PCSK1: variants seen among roughly 807,000 people sequenced by gnomAD.
The protein encoded by PCSK1 is proprotein convertase subtilisin/kexin type 1.
Under a neutral mutation model 90.6 loss-of-function variants are expected in PCSK1, and 56 were observed. The ratio of observed to expected loss-of-function variants is 0.62; its 90% CI spans 0.50 to 0.77. PCSK1 has a LOEUF of 0.77. Among genes scored for constraint, PCSK1 ranks in the 30% least tolerant of loss-of-function variants. The probability of loss-of-function intolerance (pLI) is 0.00; values close to 1 mark genes in which losing one functional copy is unlikely to be tolerated. For synonymous variants in PCSK1, 348 were observed against 342.4 expected (o/e 1.02, Z -0.18); for missense variants, 801 against 932.6 (o/e 0.86, Z 1.84).
chr5:96,432,773 G>T, intron 1 of PCSK1, 90 bp downstream of exon 1: 1 of 1,055,832 alleles, frequency 9.5e-7, no homozygotes. Flanking sequence ...TCTGGAGAGT[G>T]CAACCTGGGG....
In PCSK1 at chr5:96,408,375, G is replaced by C. The variant is rs768475079; in HGVS notation, c.1096-52C>G. 2.5e-5 allele frequency: 33 copies of C among 1,331,924 alleles called. No homozygotes were observed. The Middle Eastern group carries it at 7.3e-4, about 29-fold the overall frequency. 82.5% of individuals were successfully genotyped at this position (1,331,924 alleles called of 1,614,324 possible). On this transcript the variant is annotated intron_variant, in intron 8 of 13. Coordinates refer to ENST00000311106, the MANE Select transcript of PCSK1 (RefSeq NM_000439.5). ...GGCAGGGAGAACACGTGAGGAGTGT[G>C]GGCCTGTCTTGGGGGTTAACTGTAC...
chr5:96,423,690 A>T (rs774380945), intron 3 of PCSK1, among the ~76,000 whole-genome samples: 5 of 152,212 alleles, frequency 3.3e-5, no homozygotes, highest in Non-Finnish European at 7.3e-5. Context: ...TGAAAAGATG[A>T]ATCACCTGTG....
At position 96,405,311 on chromosome 5, in the gene PCSK1, C is replaced by A. The variant is rs1458349367; in HGVS notation, c.1196+2912G>T. The stretch of plus-strand genomic sequence containing the variant: ...ACGAACACTGAGAATCTGGTGAAAC[C>A]TATAAGCCATTCCCCAGAAATATGC... On this transcript the variant is annotated intron_variant, in intron 9 of 13. Transcript: ENST00000311106. 2.0e-5 allele frequency among the ~76,000 whole-genome samples: 3 copies of A among 152,070 alleles called. No individual in the cohort carries two copies. In the East Asian group the frequency reaches 5.8e-4, roughly 29 times the overall value.
chr5:96,422,668 G>C (rs1761165388), intron 4 of PCSK1, among the ~76,000 whole-genome samples: 1 of 152,098 alleles, frequency 6.6e-6, no homozygotes, highest in Non-Finnish European at 1.5e-5. Flanking sequence ...GGGAATGTTT[G>C]ATAGGTGGAA....
chr5:96,412,750 A>ATTTTTTTTTTTTTTTTTTTTTT (rs1451878228), intron 6 of PCSK1, among the ~76,000 whole-genome samples: 2 of 63,386 alleles, frequency 3.2e-5, no homozygotes, highest in African/African-American at 1.6e-4. Context: ...GGCAGCTGTG[A>ATTTTTTTTTTTTTTTTTTTTTT]TGTTTTTTTT....
At chr5:96,398,426 C>G (rs1760239452) in intron 11 of PCSK1, among the ~76,000 whole-genome samples, 1 of 152,182 alleles carries the variant, frequency 6.6e-6, no homozygotes. Flanking sequence ...ATAAAATGGC[C>G]TTATTCATGT....
chr5:96,406,115 T>C (rs992799268), intron 9 of PCSK1, among the ~76,000 whole-genome samples: 1 of 152,132 alleles, frequency 6.6e-6, no homozygotes, highest in African/African-American at 2.4e-5. Flanking sequence ...ACATTTTCAA[T>C]CTCAACTCTG....
chr5:96,425,465 T>C (rs1761277700), intron 3 of PCSK1, among the ~76,000 whole-genome samples: 1 of 152,262 alleles, frequency 6.6e-6, no homozygotes, highest in South Asian at 2.1e-4. Context: ...GTGAGTGCTT[T>C]AAAGGGTTCT....
intron 4 of PCSK1, 91 bp from the exon 5 acceptor site, chr5:96,422,047 T>C (rs1417511800): frequency 3.5e-5 from 26 of 753,264 alleles, no homozygotes; most frequent in African/African-American, 5.5e-5. Flanking sequence ...TCTTACCCTA[T>C]GCCTTCCCAT....
At position 96,391,962 on chromosome 5, in the gene PCSK1, T is replaced by G. The variant is rs1759958999; in HGVS notation, c.*1039A>C. The stretch of plus-strand genomic sequence containing the variant: ...ATCAGTGATAGGATTGGAGAAGAAC[T>G]TTTAGTATCAAGGAATAAACATTCA... On this transcript the variant is annotated 3_prime_UTR_variant, in exon 14 of 14. Coordinates refer to ENST00000311106, the MANE Select transcript of PCSK1 (RefSeq NM_000439.5). 6.6e-6 allele frequency: 1 copy of G among 152,202 alleles called. No homozygotes were observed. Among genetic ancestry groups the G allele is most frequent in the Admixed American group, 6.5e-5 (1 of 15,280 alleles). The allele number at this position is 152,202 out of a possible 1,614,324, so 9.4% of individuals were successfully genotyped here.
At chr5:96,405,756 C>G (rs987644822) in intron 9 of PCSK1, among the ~76,000 whole-genome samples, 16 of 152,148 alleles carry the variant, frequency 1.1e-4, no homozygotes, top group African/African-American at 3.6e-4. Context: ...GTTTTAGAAA[C>G]CAAGGATTGC....
intron 12 of PCSK1, among the ~76,000 whole-genome samples, chr5:96,396,900 A>G (rs767800867): frequency 5.9e-5 from 9 of 152,254 alleles, no homozygotes; most frequent in Non-Finnish European, 1.3e-4. Context: ...CTCTCCAAAC[A>G]TTAAGCTACA....
intron 5 of PCSK1, among the ~76,000 whole-genome samples, chr5:96,417,874 T>C (rs938728529): frequency 3.3e-5 from 5 of 152,156 alleles, no homozygotes; most frequent in Non-Finnish European, 7.4e-5. Flanking sequence ...GAAGGAGTAA[T>C]TCAGTTGTCA....
In PCSK1 at chr5:96,432,142, C is replaced by A. The variant is rs1472936386; in HGVS notation, c.180+721G>T. ...CCCATAGTCAGTTCGGCATCTCGAC[C>A]CTGCAGTGGGACTGGCCGGGCAAAG... On this transcript the variant is annotated intron_variant, in intron 1 of 13. Transcript: ENST00000311106. The A allele has an allele frequency of 2.6e-6, 4 of 1,535,408 alleles. No homozygotes were observed. The African/African-American group carries it at 5.5e-5, about 21-fold the overall frequency.
intron 1 of PCSK1, among the ~76,000 whole-genome samples, chr5:96,430,796 C>A (rs1761466951): frequency 6.6e-6 from 1 of 152,104 alleles, no homozygotes; most frequent in Admixed American, 6.5e-5. Flanking sequence ...TATTGTAAAT[C>A]ATATATAAAT....
rs750172384 is a variant in PCSK1, at chr5:96,416,171, T to G, written c.621-50A>C. On this transcript the variant is annotated intron_variant, in intron 5 of 13. Coordinates refer to ENST00000311106, the MANE Select transcript of PCSK1 (RefSeq NM_000439.5). ...TAAAACATACAGAAGAACAAACATTTGTTTTGCATATGAATGAATTAATGG... is the reference window on the plus strand; with the variant it reads ...TAAAACATACAGAAGAACAAACATTGGTTTTGCATATGAATGAATTAATGG... The G allele has an allele frequency of 1.2e-5, 15 of 1,266,594 alleles. No individual in the cohort carries two copies. In the South Asian group the frequency reaches 1.8e-4, roughly 15 times the overall value. The allele number at this position is 1,266,594 out of a possible 1,614,324, so 78.5% of individuals were successfully genotyped here. A position where few individuals can be genotyped will look rare whatever the true frequency, so the allele number is the denominator to read the frequency against.
intron 5 of PCSK1, among the ~76,000 whole-genome samples, chr5:96,420,291 C>T (rs1248905234): frequency 6.6e-6 from 1 of 152,196 alleles, no homozygotes; most frequent in Non-Finnish European, 1.5e-5. Flanking sequence ...GCCATAACTA[C>T]ATTGCAAGGC....
intron 13 of PCSK1, 36 bp from the exon 14 acceptor site, chr5:96,393,414 G>T (rs1760024537): frequency 1.2e-6 from 2 of 1,612,126 alleles, no homozygotes; most frequent in East Asian, 2.2e-5. Context: ...AGGGAAGAAG[G>T]TTCATTATTT....
At chr5:96,415,252 T>G (rs1452905409) in intron 6 of PCSK1, among the ~76,000 whole-genome samples, 2 of 152,124 alleles carry the variant, frequency 1.3e-5, no homozygotes, top group Admixed American at 6.5e-5. Context: ...AGCAAGAGGG[T>G]GGGAATCAAG....
Sources: gnomAD v4.1 joint callset for allele counts (sites outside exome capture counted in the v4.1 genomes callset) on GRCh38, gnomAD v4.1.1 for gene constraint, MANE v1.5 for transcripts, NCBI Gene and HGNC (gene_info 2026-07-23, HGNC 2026-07-21) for gene names.